The following FAM161A variants were observed in gnomAD, a reference collection of about 807,000 sequenced individuals.
FAM161A encodes FAM161 centrosomal protein A, also known as protein FAM161A.
Under a neutral mutation model 70.9 loss-of-function variants are expected in FAM161A, and 57 were observed. The observed-to-expected ratio is 0.80, with a 90% CI of 0.65 to 1.00. The LOEUF (loss-of-function observed/expected upper bound fraction) is 1.00. Ranked by LOEUF, FAM161A falls within the 50% of genes least tolerant of loss-of-function variation. The probability of loss-of-function intolerance (pLI) is 0.00; values close to 1 mark genes in which losing one functional copy is unlikely to be tolerated. For missense variants in FAM161A, 880 were observed against 836.0 expected (o/e 1.05, Z -0.65); for synonymous variants, 299 against 295.7 (o/e 1.01, Z -0.12).
chr2:61,853,296 G>A (rs979748357), intron 1 of FAM161A, among the ~76,000 whole-genome samples: 6 of 152,120 alleles, frequency 3.9e-5, no homozygotes, highest in African/African-American at 1.4e-4. Context: ...ATTTAACAAT[G>A]AAAACTGATC....
chr2:61,826,617 T>A lies in FAM161A; in HGVS notation c.2007-18A>T, dbSNP rs1412946272. 6.3e-7 allele frequency: 1 copy of A among 1,595,456 alleles called. No homozygotes were observed. The highest frequency in any genetic ancestry group is 8.6e-7 in the Non-Finnish European group (1 of 1,166,746). ...CATTAAAGCTAGGGGAAGAAATTTA[T>A]CAATCTTTCAAAGGAAAAATGAGTT... On this transcript the variant is annotated intron_variant, in intron 6 of 6. Coordinates refer to ENST00000404929, the MANE Select transcript of FAM161A (RefSeq NM_001201543.2).
At chr2:61,835,197 C>T (rs926306426) in intron 5 of FAM161A, among the ~76,000 whole-genome samples, 1 of 152,182 alleles carries the variant, frequency 6.6e-6, no homozygotes. Context: ...TGTCTATTGT[C>T]CAATTATAAC....
chr2:61,800,744 G>A, the FAM161A span, among the ~76,000 whole-genome samples: 1 of 152,224 alleles, frequency 6.6e-6, no homozygotes, highest in South Asian at 2.1e-4. Context: ...TTGGCAAGCA[G>A]CTGGCAGTGT....
At chr2:61,844,167 G>A (rs1178309011) in intron 1 of FAM161A, among the ~76,000 whole-genome samples, 1 of 151,976 alleles carries the variant, frequency 6.6e-6, no homozygotes, top group East Asian at 1.9e-4. Context: ...GTCTTCAATA[G>A]AACTTACGTG....
chr2:61,816,397 G>T, the FAM161A span, among the ~76,000 whole-genome samples: 2 of 152,284 alleles, frequency 1.3e-5, no homozygotes, highest in South Asian at 4.1e-4. Flanking sequence ...GGGAAATGGT[G>T]GTTTGGGGAG....
At chr2:61,809,886 G>A in the FAM161A span, among the ~76,000 whole-genome samples, 1 of 152,212 alleles carries the variant, frequency 6.6e-6, no homozygotes, top group Non-Finnish European at 1.5e-5. Context: ...CTAGCCTGGT[G>A]GAGGAGGAAA....
the FAM161A span, among the ~76,000 whole-genome samples, chr2:61,818,495 A>G: frequency 6.6e-6 from 1 of 152,230 alleles, no homozygotes; most frequent in Non-Finnish European, 1.5e-5. Context: ...GAAAGTGCAC[A>G]AAGACTGAGG....
the FAM161A span, among the ~76,000 whole-genome samples, chr2:61,818,346 G>A: frequency 2.6e-5 from 4 of 152,268 alleles, no homozygotes; most frequent in East Asian, 7.7e-4. Flanking sequence ...GTGAGCCACC[G>A]TCCCTGGCTG....
intron 5 of FAM161A, among the ~76,000 whole-genome samples, chr2:61,828,284 G>GA (rs35901888): frequency 3.3e-3 from 475 of 144,780 alleles, no homozygotes; most frequent in African/African-American, 0.01. Context: ...AAAGATATCT[G>GA]AAAAAAAAAA....
downstream of FAM161A, chr2:61,820,383 T>C (rs1672178049): frequency 1.3e-6 from 1 of 757,368 alleles, no homozygotes; most frequent in Non-Finnish European, 2.4e-6. Context: ...TTGTCACCTA[T>C]GCCACTGTGG....
In FAM161A at chr2:61,849,389, G is replaced by A. The variant is rs989163952; in HGVS notation, c.183+4470C>T. Among the ~76,000 whole-genome samples the A allele has an allele frequency of 1.1e-4, 17 of 151,142 alleles. No homozygotes were observed. In the East Asian group the frequency reaches 1.9e-3, roughly 17 times the overall value. On this transcript the variant is annotated intron_variant, in intron 1 of 6. Coordinates refer to ENST00000404929, the MANE Select transcript of FAM161A (RefSeq NM_001201543.2). ...GTATGGTGGCATATACTTCTAACCC[G>A]AGCACTATGGGAGGCCGAGGAGGGC...
intron 1 of FAM161A, among the ~76,000 whole-genome samples, chr2:61,851,841 C>G (rs1173411937): frequency 6.6e-6 from 1 of 151,940 alleles, no homozygotes; most frequent in African/African-American, 2.4e-5. Context: ...GATGAGTGGT[C>G]TGGCTTTGGC....
intron 1 of FAM161A, among the ~76,000 whole-genome samples, chr2:61,849,293 G>A (rs937725296): frequency 2.0e-4 from 29 of 148,690 alleles, no homozygotes; most frequent in Admixed American, 1.9e-3. Flanking sequence ...TTTCTCTTCT[G>A]GGGGAGAGTT....
the FAM161A span, among the ~76,000 whole-genome samples, chr2:61,818,485 G>C: frequency 1.3e-5 from 2 of 152,180 alleles, no homozygotes; most frequent in African/African-American, 4.8e-5. Context: ...CAGAAAGTAA[G>C]AAAGTGCACA....
intron 1 of FAM161A, among the ~76,000 whole-genome samples, chr2:61,846,289 T>C (rs1414197751): frequency 6.6e-6 from 1 of 151,972 alleles, no homozygotes; most frequent in Non-Finnish European, 1.5e-5. Context: ...AAAGCAGTTT[T>C]GGGAAGTAAA....
chr2:61,820,489 C>G, downstream of FAM161A: 1 of 754,618 alleles, frequency 1.3e-6, no homozygotes, highest in Non-Finnish European at 2.4e-6. Context: ...TTCTCAAAGA[C>G]CAGGTGCCCA....
chr2:61,824,362 A>G (rs1049059286), downstream of FAM161A, among the ~76,000 whole-genome samples: 2 of 151,740 alleles, frequency 1.3e-5, no homozygotes, highest in African/African-American at 2.4e-5. Flanking sequence ...TCTTTTTTTA[A>G]CTTTGGTTCT....
the FAM161A span, among the ~76,000 whole-genome samples, chr2:61,806,734 C>A: frequency 7.7e-6 from 1 of 129,490 alleles, no homozygotes; most frequent in Non-Finnish European, 1.5e-5. Context: ...GCTCTGTCGC[C>A]CAGGCTGGAG....
the FAM161A span, among the ~76,000 whole-genome samples, chr2:61,802,648 T>G: frequency 6.6e-6 from 1 of 152,198 alleles, no homozygotes; most frequent in Admixed American, 6.5e-5. Context: ...TGGAAGCTAT[T>G]TTCTTTTAAA....
Sources: allele counts gnomAD v4.1 joint callset (sites outside exome capture counted in the v4.1 genomes callset), GRCh38; gene constraint gnomAD v4.1.1; transcripts MANE v1.5; gene names NCBI Gene and HGNC (gene_info 2026-07-23, HGNC 2026-07-21).